Variants in RNH1 observed in about 807,000 individuals in gnomAD.
The protein encoded by RNH1 is ribonuclease inhibitor.
In RNH1, 38 loss-of-function variants were observed where a neutral mutation model predicts 46.1. The observed-to-expected ratio is 0.82, with a 90% CI of 0.64 to 1.08. RNH1 has a LOEUF of 1.08. Ranked by LOEUF, RNH1 falls within the 50% of genes least tolerant of loss-of-function variation. RNH1 has a pLI of 0.00. For missense variants in RNH1, 577 were observed against 590.7 expected (o/e 0.98, Z 0.24); for synonymous variants, 319 against 279.1 (o/e 1.14, Z -1.43).
intron 2 of RNH1, chr11:504,461 G>C (rs1243604005): frequency 6.6e-6 from 1 of 152,396 alleles, no homozygotes; most frequent in African/African-American, 2.4e-5. Flanking sequence ...GGCCAGAGCC[G>C]CTCCGCGTTC....
At position 502,334 on chromosome 11, in the gene RNH1, C is replaced by A; in HGVS notation, c.-87-85G>T. On this transcript the variant is annotated intron_variant, in intron 2 of 10. Coordinates refer to ENST00000354420, the MANE Select transcript of RNH1 (RefSeq NM_203387.3). This position sits in a 1 kb window ranked among gnomAD's most constrained non-coding sequence, Gnocchi z 5.8. Reference sequence around the variant, plus strand: ...AACACTTCCTCTTCAGCACCCTCCCCACCTTTGTCTCTGGAGCAGACATCA... The same window carrying A: ...AACACTTCCTCTTCAGCACCCTCCCAACCTTTGTCTCTGGAGCAGACATCA... The A allele has an allele frequency of 1.6e-6, 1 of 633,920 alleles. No individual in the cohort carries two copies. Among genetic ancestry groups the A allele is most frequent in the Non-Finnish European group, 2.9e-6 (1 of 350,682 alleles). 39.3% of individuals were successfully genotyped at this position (633,920 alleles called of 1,614,324 possible).
At chr11:499,266 G>A (rs566667048) in intron 5 of RNH1, 81 bp from the exon 6 acceptor site, 1 of 1,473,040 alleles carries the variant, frequency 6.8e-7, no homozygotes, top group East Asian at 2.3e-5. Flanking sequence ...GGGTGTGCTG[G>A]TGTCTCATCT....
At position 497,936 on chromosome 11, in the gene RNH1, C is replaced by T. The variant is rs775999684; in HGVS notation, c.1127+35G>A. The stretch of plus-strand genomic sequence containing the variant: ...TGTGCACACACGGGCATATGATCTC[C>T]CAAATGTGCATACTCGTGTCCCTCA... On this transcript the variant is annotated intron_variant, in intron 9 of 10. Coordinates refer to ENST00000354420, the MANE Select transcript of RNH1 (RefSeq NM_203387.3). The T allele has an allele frequency of 3.8e-6, 6 of 1,595,982 alleles. No homozygotes were observed. The African/African-American group carries it at 5.4e-5, about 14-fold the overall frequency.
chr11:499,039 GA>G lies in RNH1; in HGVS notation c.589del (p.Ser197ProfsTer15). 6.2e-7 allele frequency: 1 copy of G among 1,613,228 alleles called. No individual in the cohort carries two copies. ...VRVLCQGLKDSPCQLEALKLE... is the reference protein window; with the variant it reads ...VRVLCQGLKDXPCQLEALKLE... The stretch of plus-strand genomic sequence containing the variant: ...CTTGAGCGCCTCCAGCTGGCAGGGG[GA>G]GTCCTTCAGGCCCTGGCACAGCACA... On this transcript the variant is annotated frameshift_variant, in exon 6 of 11. Coordinates refer to ENST00000354420, the MANE Select transcript of RNH1 (RefSeq NM_203387.3). LOFTEE classifies it high-confidence loss of function.
chr11:498,016 A>G lies in RNH1; in HGVS notation c.1082T>C (p.Leu361Pro). ...GCCAGGCTGGCCCAGGCCCTGGCAC[A>G]GCTCCCGCACGCCCGCATCCTCCAG... is the stretch of plus-strand genomic sequence containing the variant. ...NRLEDAGVRELCQGLGQPGSV... is the reference protein window; with the variant it reads ...NRLEDAGVREPCQGLGQPGSV... The change falls in exon 9 of 11, where the codon CTG (leucine) becomes CCG (proline). Residue 361 changes from leucine (L) to proline (P), a missense_variant. Coordinates refer to ENST00000354420, the MANE Select transcript of RNH1 (RefSeq NM_203387.3). 6.2e-7 allele frequency: 1 copy of G among 1,614,100 alleles called. No individual in the cohort carries two copies. Among genetic ancestry groups the G allele is most frequent in the Non-Finnish European group, 8.5e-7 (1 of 1,180,024 alleles).
intron 5 of RNH1, 130 bp from the exon 6 acceptor site, chr11:499,315 G>A: frequency 9.9e-7 from 1 of 1,012,750 alleles, no homozygotes; most frequent in Non-Finnish European, 1.4e-6. Flanking sequence ...TGTCAGTGCT[G>A]AGGGACCCCC....
intron 5 of RNH1, 195 bp from the exon 6 acceptor site, chr11:499,380 C>T: frequency 1.5e-6 from 1 of 667,280 alleles, no homozygotes; most frequent in Non-Finnish European, 2.6e-6. Context: ...CTTCTGGAAA[C>T]CCCTCACCCC....
intron 3 of RNH1, chr11:500,954 C>G: frequency 2.2e-6 from 1 of 453,586 alleles, no homozygotes; most frequent in Non-Finnish European, 4.1e-6. Context: ...CATGGAGAAA[C>G]CCCGTCTTTA....
rs1205736740 is a variant in RNH1 at position 501,222 on chromosome 11, G to C, written c.102-568C>G. 2 of 205,862 alleles carry C rather than the reference G, an allele frequency of 9.7e-6. No individual in the cohort carries two copies. The highest frequency in any genetic ancestry group is 4.7e-5 in the African/African-American group (2 of 43,006). The allele number at this position is 205,862 out of a possible 1,614,324, so 12.8% of individuals were successfully genotyped here. A position where few individuals can be genotyped will look rare whatever the true frequency, so the allele number is the denominator to read the frequency against. On this transcript the variant is annotated intron_variant, in intron 3 of 10. Coordinates refer to ENST00000354420, the MANE Select transcript of RNH1 (RefSeq NM_203387.3). The surrounding 1 kb of genome is among the most constrained non-coding windows in gnomAD (Gnocchi z 4.1). Reference sequence around the variant, plus strand: ...GGAGAGGGTGGCAGACGGCGCCTGTGACAGGACGCTCCTGGCAGGCCCCAC... The same window carrying C: ...GGAGAGGGTGGCAGACGGCGCCTGTCACAGGACGCTCCTGGCAGGCCCCAC...
Position 498,784 on chromosome 11 carries a change from C to A in RNH1, c.764G>T (p.Ser255Ile), listed in dbSNP as rs751551014. Residue 255 changes from serine to isoleucine, a missense_variant, in exon 7 of 11, where the codon AGC becomes ATC. Transcript: ENST00000354420. ...TCACCACAGGGTCCTGAGCCTGGAG[C>A]TGGGGTGGAGCAGCCCTGGGCACAG... ...AELCPGLLHP[S>I]SRLRTLWIWE... 31 of 1,603,170 alleles carry A rather than the reference C, an allele frequency of 1.9e-5. No homozygotes were observed. The highest frequency in any genetic ancestry group is 2.6e-5 in the Non-Finnish European group (31 of 1,178,218).
rs565001574 is a variant in RNH1, at chr11:494,668, G to A, written c.*23C>T. 3.2e-5 allele frequency: 51 copies of A among 1,611,384 alleles called. No individual in the cohort carries two copies. In the Middle Eastern group the frequency reaches 6.6e-4, roughly 21 times the overall value. On this transcript the variant is annotated 3_prime_UTR_variant, in exon 11 of 11. Transcript: ENST00000354420. ...GGTTGCCTCGAGGCCGGTCGTCCAGGGAGAGCAGCAGCAGGAAGAGCCTCA... is the reference window on the plus strand; with the variant it reads ...GGTTGCCTCGAGGCCGGTCGTCCAGAGAGAGCAGCAGCAGGAAGAGCCTCA...
In RNH1 at chr11:500,489, C is replaced by T. The variant is rs775375531; in HGVS notation, c.267G>A (p.Lys89=). ...AGTGCCAGGCCCCGCCTCACCTCAG[C>T]TTCTGGATCTTGCAGGAGGGGGTCT... ...GLQTPSCKIQ[K]LSLQNCCLTG... is the part of the protein sequence containing the mutation. The change falls in exon 4 of 11, where the codon AAG becomes AAA. Residue 89 remains lysine, a synonymous_variant. Coordinates refer to ENST00000354420, the MANE Select transcript of RNH1 (RefSeq NM_203387.3). The T allele has an allele frequency of 2.7e-5, 44 of 1,606,228 alleles. No homozygotes were observed. Among genetic ancestry groups the T allele is most frequent in the Non-Finnish European group, 3.6e-5 (43 of 1,178,828 alleles).
intron 9 of RNH1, among the ~76,000 whole-genome samples, chr11:496,987 A>G (rs773299734): frequency 1.1e-4 from 17 of 152,220 alleles, no homozygotes; most frequent in Non-Finnish European, 2.2e-4. Context: ...TAAAATGAGA[A>G]CTAAGCCAGA....
intron 8 of RNH1, 40 bp downstream of exon 8, chr11:498,417 C>G: frequency 6.2e-7 from 1 of 1,604,586 alleles, no homozygotes; most frequent in South Asian, 1.1e-5. Context: ...CCCTGGCCCT[C>G]TCTTGGGCGA....
At chr11:498,411 G>A in intron 8 of RNH1, 46 bp downstream of exon 8, 1 of 1,601,242 alleles carries the variant, frequency 6.2e-7, no homozygotes, top group South Asian at 1.1e-5. Flanking sequence ...CGGTCACCCT[G>A]GCCCTCTCTT....
In RNH1 at chr11:499,151, C is replaced by T. The variant is rs530897378; in HGVS notation, c.478G>A (p.Glu160Lys). Residue 160 changes from glutamate (E) to lysine (K), a missense_variant, in exon 6 of 11, where the codon GAG becomes AAG. By Grantham distance (56) the Glu-to-Lys change is moderately conservative. Coordinates refer to ENST00000354420, the MANE Select transcript of RNH1 (RefSeq NM_203387.3). ...EYCSLSAASCEPLASVLRAKP... is the reference protein window; with the variant it reads ...EYCSLSAASCKPLASVLRAKP... ...GCCCTGAGCACGGAGGCCAGGGGCT[C>T]GCAGCTGGCAGCCGAGAGGCTGCAA... is the stretch of plus-strand genomic sequence containing the variant. The T allele has an allele frequency of 3.2e-5, 51 of 1,612,870 alleles. No individual in the cohort carries two copies. The highest frequency in any genetic ancestry group is 3.3e-4 in the Middle Eastern group (2 of 6,060).
chr11:495,428 G>A (rs540251389), intron 9 of RNH1, among the ~76,000 whole-genome samples: 10 of 152,324 alleles, frequency 6.6e-5, no homozygotes, highest in South Asian at 2.1e-4. Context: ...GTGGGGAAAC[G>A]AGGGTATGGA....
rs1849719424 is a variant in RNH1, at chr11:501,187, G to A, written c.102-533C>T. Reference sequence around the variant, plus strand: ...ATCAGTCACAGGAGGAAAGGCAGTGGCGTCACAGTGGAGAGGGTGGCAGAC... The same window carrying A: ...ATCAGTCACAGGAGGAAAGGCAGTGACGTCACAGTGGAGAGGGTGGCAGAC... On this transcript the variant is annotated intron_variant, in intron 3 of 10. Coordinates refer to ENST00000354420, the MANE Select transcript of RNH1 (RefSeq NM_203387.3). The surrounding 1 kb of genome is among the most constrained non-coding windows in gnomAD (Gnocchi z 4.1). 1.7e-5 allele frequency: 4 copies of A among 231,084 alleles called. No individual in the cohort carries two copies. The South Asian group carries it at 2.1e-4, about 12-fold the overall frequency. 14.3% of individuals were successfully genotyped at this position (231,084 alleles called of 1,614,324 possible).
At chr11:497,013 C>T (rs1194695265) in intron 9 of RNH1, among the ~76,000 whole-genome samples, 3 of 152,250 alleles carry the variant, frequency 2.0e-5, no homozygotes, top group South Asian at 2.1e-4. Context: ...GCCGCCAGCC[C>T]GCCTTTCCCA....
Sources: gnomAD v4.1 joint callset for allele counts (sites outside exome capture counted in the v4.1 genomes callset) on GRCh38, gnomAD v4.1.1 for gene constraint, Gnocchi (gnomAD v3.1) non-coding constraint, MANE v1.5 for transcripts, NCBI Gene and HGNC (gene_info 2026-07-23, HGNC 2026-07-21) for gene names.